GRB14: variants seen among roughly 807,000 people sequenced by gnomAD.
GRB14 encodes the protein growth factor receptor-bound protein 14.
A neutral mutation model predicts 69.1 loss-of-function variants in GRB14; 38 were observed. The ratio of observed to expected loss-of-function variants is 0.55; its 90% CI spans 0.42 to 0.72. GRB14 has a LOEUF of 0.72. Among genes scored for constraint, GRB14 ranks in the 30% least tolerant of loss-of-function variants. The pLI is 0.00. For synonymous variants in GRB14, 247 were observed against 241.3 expected, an observed-to-expected ratio of 1.02 and a Z score of -0.22; for missense variants, 666 against 666.1, an observed-to-expected ratio of 1.00 and a Z score of 0.00.
At chr2:164,592,832 T>A (rs1383087533) in intron 2 of GRB14, among the ~76,000 whole-genome samples, 1 of 152,186 alleles carries the variant, frequency 6.6e-6, no homozygotes. Context: ...CACCTCCATG[T>A]CTCTTATTTC....
intron 2 of GRB14, among the ~76,000 whole-genome samples, chr2:164,592,929 A>G (rs1689702028): frequency 6.6e-6 from 1 of 152,146 alleles, no homozygotes; most frequent in African/African-American, 2.4e-5. Flanking sequence ...CATCTTTGTC[A>G]TTCCCCATGA....
chr2:164,535,630 C>T (rs193036244), intron 3 of GRB14, among the ~76,000 whole-genome samples: 1 of 152,200 alleles, frequency 6.6e-6, no homozygotes, highest in Non-Finnish European at 1.5e-5. Flanking sequence ...AAACTACATA[C>T]ATTTTGTCAA....
chr2:164,541,100 T>C (rs1310055765), intron 3 of GRB14, among the ~76,000 whole-genome samples: 3 of 152,196 alleles, frequency 2.0e-5, no homozygotes, highest in Non-Finnish European at 4.4e-5. Context: ...CTTGAAATTA[T>C]GAATAATTTT....
At chr2:164,560,716 T>C (rs183368698) in intron 2 of GRB14, among the ~76,000 whole-genome samples, 3 of 152,232 alleles carry the variant, frequency 2.0e-5, no homozygotes, top group Admixed American at 2.0e-4. Context: ...TTGATAAAAC[T>C]ACCCAAGATA....
chr2:164,596,279 G>A (rs759122840), intron 2 of GRB14, among the ~76,000 whole-genome samples: 19 of 152,146 alleles, frequency 1.2e-4, no homozygotes, highest in Non-Finnish European at 2.5e-4. Flanking sequence ...AACATAACCA[G>A]CTACTTTTTA....
chr2:164,547,922 T>C (rs1307948134), intron 2 of GRB14, 106 bp from the exon 3 acceptor site: 5 of 643,124 alleles, frequency 7.8e-6, no homozygotes, highest in Non-Finnish European at 1.2e-5. Context: ...ATGAGATATA[T>C]ATAAATAAAT....
At chr2:164,546,359 C>T (rs1574294011) in intron 3 of GRB14, among the ~76,000 whole-genome samples, 1 of 152,050 alleles carries the variant, frequency 6.6e-6, no homozygotes, top group African/African-American at 2.4e-5. Flanking sequence ...ACCATAGGAT[C>T]TATACTAAAA....
chr2:164,582,936 C>G (rs965465183), intron 2 of GRB14, among the ~76,000 whole-genome samples: 1 of 152,162 alleles, frequency 6.6e-6, no homozygotes, highest in African/African-American at 2.4e-5. Flanking sequence ...TCTCCCTTCC[C>G]CATTTATGTC....
chr2:164,497,745 A>C (rs1686941478), intron 9 of GRB14, among the ~76,000 whole-genome samples: 1 of 152,206 alleles, frequency 6.6e-6, no homozygotes. Flanking sequence ...GAAGAGTTGA[A>C]TAAACAGATT....
At chr2:164,576,523 G>C (rs891801671) in intron 2 of GRB14, among the ~76,000 whole-genome samples, 1 of 151,580 alleles carries the variant, frequency 6.6e-6, no homozygotes, top group Non-Finnish European at 1.5e-5. Flanking sequence ...AATCAATCTG[G>C]GGTTAAGAAG....
intron 3 of GRB14, among the ~76,000 whole-genome samples, chr2:164,528,036 A>G (rs1305711801): frequency 6.6e-6 from 1 of 152,110 alleles, no homozygotes; most frequent in Non-Finnish European, 1.5e-5. Context: ...ACTGCATTTC[A>G]TGAACACAAT....
chr2:164,614,916 C>T (rs936317773), intron 2 of GRB14, among the ~76,000 whole-genome samples: 19 of 151,950 alleles, frequency 1.3e-4, no homozygotes, highest in African/African-American at 4.3e-4. Context: ...TTTGAAAGTC[C>T]GTGACATGGT....
intron 9 of GRB14, among the ~76,000 whole-genome samples, chr2:164,501,251 T>C (rs1687045096): frequency 6.6e-6 from 1 of 152,090 alleles, no homozygotes; most frequent in Non-Finnish European, 1.5e-5. Context: ...AAATTGGAGT[T>C]CTTTTTCTAT....
intron 2 of GRB14, among the ~76,000 whole-genome samples, chr2:164,603,629 A>C (rs10199140): frequency 0.75 from 112,936 of 149,954 alleles, 43,200 homozygotes; most frequent in Admixed American, 0.81. Flanking sequence ...AGCCACTGCA[A>C]TCTAACCTGG....
chr2:164,492,609 GTTA>G lies in GRB14; in HGVS notation c.*424_*426del, dbSNP rs61213530. Among the ~76,000 whole-genome samples the G allele has an allele frequency of 0.41, 62,066 of 151,388 alleles. 13,600 individuals are homozygous for G. Among genetic ancestry groups the G allele is most frequent in the Admixed American group, 0.49 (7,375 of 15,174 alleles). On this transcript the variant is annotated 3_prime_UTR_variant, in exon 14 of 14. Transcript: ENST00000263915. ...GTGGATAGTTTCTTTTAATTGATAAGTTATTATCATATTTCTTAACATTAAAAA... is the reference window on the plus strand; with the variant it reads ...GTGGATAGTTTCTTTTAATTGATAAGTTATCATATTTCTTAACATTAAAAA...
At chr2:164,566,792 A>C (rs1002455594) in intron 2 of GRB14, among the ~76,000 whole-genome samples, 1 of 152,160 alleles carries the variant, frequency 6.6e-6, no homozygotes, top group Non-Finnish European at 1.5e-5. Flanking sequence ...GGTTCACAGA[A>C]TTATAGACAC....
At chr2:164,577,224 C>G (rs566293799) in intron 2 of GRB14, among the ~76,000 whole-genome samples, 102 of 152,124 alleles carry the variant, frequency 6.7e-4, no homozygotes, top group Non-Finnish European at 1.1e-3. Flanking sequence ...CAAACTATTT[C>G]AAAGTTAAGA....
At chr2:164,500,014 T>C (rs1487858421) in intron 9 of GRB14, among the ~76,000 whole-genome samples, 1 of 152,102 alleles carries the variant, frequency 6.6e-6, no homozygotes, top group Admixed American at 6.6e-5. Flanking sequence ...GATATGTCTG[T>C]TGTAGGGTTC....
Position 164,547,670 on chromosome 2 carries a change from G to T in GRB14, c.471C>A (p.His157Gln). Residue 157 changes from histidine (H) to glutamine (Q), a missense_variant, in exon 3 of 14, where the codon CAC becomes CAA. Physicochemically the swap from His to Gln is conservative, Grantham distance 24 (BLOSUM62 0). Transcript: ENST00000263915. ...HSWTLFEHLP[H>Q]IGVERTIEDH... is the part of the protein sequence containing the mutation. Reference sequence around the variant, plus strand: ...ACTCCGTATCCTTACCTACACCTATGTGAGGCAGGTGCTCAAAAAGGGTCC... The same window carrying T: ...ACTCCGTATCCTTACCTACACCTATTTGAGGCAGGTGCTCAAAAAGGGTCC... 6.2e-7 allele frequency: 1 copy of T among 1,613,266 alleles called. No individual in the cohort carries two copies. The highest frequency in any genetic ancestry group is 8.5e-7 in the Non-Finnish European group (1 of 1,179,400).
Sources: gnomAD v4.1 joint callset for allele counts (sites outside exome capture counted in the v4.1 genomes callset) on GRCh38, gnomAD v4.1.1 for gene constraint, MANE v1.5 for transcripts, NCBI Gene and HGNC (gene_info 2026-07-23, HGNC 2026-07-21) for gene names.